The following URI1 variants were observed in gnomAD, a reference collection of about 807,000 sequenced individuals.
The protein encoded by URI1 is unconventional prefoldin RPB5 interactor 1.
Under a neutral mutation model 60.2 loss-of-function variants are expected in URI1, and 39 were observed. That is an observed-to-expected ratio of 0.65 (90% CI 0.50 to 0.85). The LOEUF is 0.85. Ranked by LOEUF, URI1 falls within the 40% of genes least tolerant of loss-of-function variation. The probability of loss-of-function intolerance (pLI) is 0.00; values close to 1 mark genes in which losing one functional copy is unlikely to be tolerated. For missense variants in URI1, 691 were observed against 665.9 expected (o/e 1.04, Z -0.42); for synonymous variants, 251 against 236.8 (o/e 1.06, Z -0.55).
chr19:29,944,924 A>G (rs1025320058), intron 1 of URI1, among the ~76,000 whole-genome samples: 1 of 152,202 alleles, frequency 6.6e-6, no homozygotes, highest in Non-Finnish European at 1.5e-5. Context: ...GAAGCAATTT[A>G]TTTAGGCTTT....
chr19:29,929,249 A>C (rs1003203744), intron 1 of URI1, among the ~76,000 whole-genome samples: 27 of 152,286 alleles, frequency 1.8e-4, no homozygotes, highest in African/African-American at 5.1e-4. Flanking sequence ...CCAGGAATGA[A>C]AGAGAGTTTC....
At chr19:30,012,677 C>A in intron 10 of URI1, 146 bp downstream of exon 10, 1 of 976,518 alleles carries the variant, frequency 1.0e-6, no homozygotes. Context: ...TAGTCACAAA[C>A]AGTACAAATA....
intron 2 of URI1, among the ~76,000 whole-genome samples, chr19:29,982,668 TTC>T (rs2055613655): frequency 6.6e-6 from 1 of 152,214 alleles, no homozygotes; most frequent in South Asian, 2.1e-4. Flanking sequence ...CCAGTCCTGT[TTC>T]CAAAGCCCCT....
At chr19:29,924,435 C>A (rs2054848328) in intron 1 of URI1, among the ~76,000 whole-genome samples, 2 of 152,206 alleles carry the variant, frequency 1.3e-5, no homozygotes, top group Admixed American at 1.3e-4. Flanking sequence ...TACTGGCGAT[C>A]TAAACAAACA....
At chr19:29,994,733 G>A (rs116823740) in intron 4 of URI1, among the ~76,000 whole-genome samples, 3,152 of 151,634 alleles carry the variant, frequency 0.021, 105 homozygotes, top group African/African-American at 0.071. Context: ...AATTATTTGG[G>A]GTGTATATCT....
upstream of URI1, among the ~76,000 whole-genome samples, chr19:29,939,045 T>A (rs957624550): frequency 6.7e-6 from 1 of 149,928 alleles, no homozygotes; most frequent in Non-Finnish European, 1.5e-5. Flanking sequence ...TGGCATGATC[T>A]CGGCTCACTG....
chr19:30,007,450 C>T lies in URI1; in HGVS notation c.518-20C>T. 1 of 1,609,494 alleles carries T rather than the reference C, an allele frequency of 6.2e-7. No homozygotes were observed. Among genetic ancestry groups the T allele is most frequent in the Non-Finnish European group, 8.5e-7 (1 of 1,178,052 alleles). The stretch of plus-strand genomic sequence containing the variant: ...TTATGTTGGCTATTAACAGCCACGT[C>T]TTTTCCTTTTTCTAAATAGCAAAAC... On this transcript the variant is annotated intron_variant, in intron 6 of 10. Transcript: ENST00000392271.
rs146707593 is a variant in URI1, at chr19:30,010,640, C to T, written c.1036-454C>T. On this transcript the variant is annotated intron_variant, in intron 8 of 10. Transcript: ENST00000392271. Reference sequence around the variant, plus strand: ...CTTGGTTTTTATTTTTTTACTCCTTCAATTTCTAAAAATTAGAGATGTTTT... The same window carrying T: ...CTTGGTTTTTATTTTTTTACTCCTTTAATTTCTAAAAATTAGAGATGTTTT... 2.8e-4 allele frequency among the ~76,000 whole-genome samples: 42 copies of T among 152,224 alleles called. 2 individuals carry two copies. In the East Asian group the frequency reaches 5.8e-3, roughly 21 times the overall value.
At chr19:29,927,120 T>C (rs2054875125) in intron 1 of URI1, among the ~76,000 whole-genome samples, 1 of 152,168 alleles carries the variant, frequency 6.6e-6, no homozygotes, top group African/African-American at 2.4e-5. Flanking sequence ...TGAGCAGTGA[T>C]GGTGTCTTGG....
At chr19:29,942,022 T>C (rs1175895444), upstream of URI1, among the ~76,000 whole-genome samples, 1 of 128,530 alleles carries the variant, frequency 7.8e-6, no homozygotes, top group Admixed American at 8.4e-5. Flanking sequence ...TATTTAGTGC[T>C]TTCATATACG....
In URI1 at chr19:29,952,060, T is replaced by C. The variant is rs1040159668; in HGVS notation, c.117+9396T>C. Among the ~76,000 whole-genome samples, 9 of 152,340 alleles carry C rather than the reference T, an allele frequency of 5.9e-5. No individual in the cohort carries two copies. In the East Asian group the frequency reaches 9.6e-4, roughly 16 times the overall value. On this transcript the variant is annotated intron_variant, in intron 1 of 10. Transcript: ENST00000392271. ...TCAAGCAGACAGTACTAAGGAAATATATTAACCTTCAATATACCAGAAAAA... is the reference window on the plus strand; with the variant it reads ...TCAAGCAGACAGTACTAAGGAAATACATTAACCTTCAATATACCAGAAAAA...
intron 8 of URI1, among the ~76,000 whole-genome samples, chr19:30,010,886 T>C (rs2056008604): frequency 6.6e-6 from 1 of 152,196 alleles, no homozygotes; most frequent in African/African-American, 2.4e-5. Context: ...TAGGATTTGT[T>C]AATAAAGAAG....
chr19:29,966,809 CTA>C (rs1272032427), intron 1 of URI1, among the ~76,000 whole-genome samples: 1 of 152,164 alleles, frequency 6.6e-6, no homozygotes, highest in Non-Finnish European at 1.5e-5. Context: ...GAGAAGCAAA[CTA>C]TATAAATTTA....
At chr19:29,926,737 A>C (rs1309168183) in intron 1 of URI1, among the ~76,000 whole-genome samples, 1 of 152,228 alleles carries the variant, frequency 6.6e-6, no homozygotes, top group Non-Finnish European at 1.5e-5. Flanking sequence ...ATTGCAAAGG[A>C]AAGGCCAGGG....
chr19:29,965,871 A>G (rs1204145746), intron 1 of URI1, among the ~76,000 whole-genome samples: 1 of 152,244 alleles, frequency 6.6e-6, no homozygotes, highest in East Asian at 1.9e-4. Flanking sequence ...ACATAGTCCG[A>G]TATTTGTGTA....
chr19:29,956,382 T>A (rs2055248125), intron 1 of URI1: 1 of 1,435,588 alleles, frequency 7.0e-7, no homozygotes, highest in South Asian at 1.2e-5. Context: ...ATCTGGCATC[T>A]TCTTTCTGTA....
upstream of URI1, among the ~76,000 whole-genome samples, chr19:29,941,221 C>T (rs1231088581): frequency 4.6e-5 from 7 of 152,054 alleles, no homozygotes; most frequent in South Asian, 2.1e-4. Flanking sequence ...TTACTGCTAG[C>T]GACTGCAGCA....
At chr19:29,943,818 G>A (rs1359456608) in intron 1 of URI1, among the ~76,000 whole-genome samples, 1 of 151,942 alleles carries the variant, frequency 6.6e-6, no homozygotes, top group Non-Finnish European at 1.5e-5. Context: ...AGGTTTGGAA[G>A]CCATGTTTTC....
intron 4 of URI1, among the ~76,000 whole-genome samples, chr19:30,005,140 A>G (rs2055924178): frequency 1.3e-5 from 2 of 152,102 alleles, no homozygotes; most frequent in Admixed American, 1.3e-4. Context: ...GAGAGAAAAT[A>G]TGTTAGACAT....
Sources: allele counts gnomAD v4.1 joint callset (sites outside exome capture counted in the v4.1 genomes callset), GRCh38; gene constraint gnomAD v4.1.1; transcripts MANE v1.5; gene names NCBI Gene and HGNC (gene_info 2026-07-23, HGNC 2026-07-21).